Variants in CFHR5 observed in about 807,000 individuals in gnomAD.
CFHR5 encodes complement factor H related 5.
Under a neutral mutation model 62.9 loss-of-function variants are expected in CFHR5, and 73 were observed. The observed-to-expected ratio is 1.16, with a 90% CI of 0.96 to 1.41. The LOEUF (loss-of-function observed/expected upper bound fraction) is 1.41. CFHR5 is among the 40% of genes most tolerant of loss of function. The probability of loss-of-function intolerance (pLI) is 0.00; values close to 1 mark genes in which losing one functional copy is unlikely to be tolerated. For synonymous variants in CFHR5, 249 were observed against 227.2 expected (o/e 1.10, Z -0.86); for missense variants, 779 against 679.9 (o/e 1.15, Z -1.62).
At chr1:196,989,168 T>G (rs10922151) in intron 3 of CFHR5, among the ~76,000 whole-genome samples, 26,606 of 152,166 alleles carry the variant, frequency 0.17, 3,858 homozygotes, top group East Asian at 0.69. Flanking sequence ...GAGGTGTTTA[T>G]AGTATTCTCT....
chr1:197,000,208 G>A (rs1273231243), intron 7 of CFHR5, among the ~76,000 whole-genome samples: 8 of 152,052 alleles, frequency 5.3e-5, no homozygotes, highest in Admixed American at 4.6e-4. Context: ...GTTTTGAGAA[G>A]AGCTGGTAGC....
chr1:196,995,729 C>G lies in CFHR5; in HGVS notation c.620C>G (p.Ser207Ter). ...TTCTTTATAATAGGACAAGTACGAT[C>G]ATGTGGTCCACCTCCTCAACTCTCC... ...NFPTCKGQVR[S>*]CGPPPQLSNG... is the part of the protein sequence containing the mutation. Residue 207 changes from serine to a stop codon, truncating the protein, a stop_gained, in exon 5 of 10, where the codon TCA (serine) becomes TGA (stop). Coordinates refer to ENST00000256785, the MANE Select transcript of CFHR5 (RefSeq NM_030787.4). LOFTEE classifies it high-confidence loss of function. 1 of 1,612,690 alleles carries G rather than the reference C, an allele frequency of 6.2e-7. No homozygotes were observed. The highest frequency in any genetic ancestry group is 8.5e-7 in the Non-Finnish European group (1 of 1,178,840).
intron 1 of CFHR5, among the ~76,000 whole-genome samples, chr1:196,980,591 CGTGTGTGTGTGTGTGTGTGT>C (rs57437038): frequency 4.1e-5 from 6 of 145,440 alleles, no homozygotes; most frequent in Admixed American, 1.4e-4. Flanking sequence ...TGTATATATA[CGTGTGTGTGTGTGTGTGTGT>C]GTGTGTGTGT....
upstream of CFHR5, chr1:196,977,493 C>A: frequency 1.4e-6 from 1 of 692,702 alleles, no homozygotes; most frequent in Non-Finnish European, 2.7e-6. Flanking sequence ...TTGCTTATTT[C>A]ACACAACCCT....
chr1:196,989,890 T>G (rs1047508527), intron 3 of CFHR5, among the ~76,000 whole-genome samples: 2 of 152,188 alleles, frequency 1.3e-5, no homozygotes, highest in Non-Finnish European at 2.9e-5. Context: ...TTAGGTCCGC[T>G]TGGTGCAGAG....
intron 7 of CFHR5, among the ~76,000 whole-genome samples, chr1:197,001,887 G>A (rs574108500): frequency 1.3e-4 from 20 of 151,976 alleles, no homozygotes; most frequent in South Asian, 2.1e-4. Context: ...TTTAGAAAAC[G>A]CTTTGGCATC....
chr1:197,007,465 C>A (rs1407066741), intron 9 of CFHR5, among the ~76,000 whole-genome samples: 1 of 151,694 alleles, frequency 6.6e-6, no homozygotes, highest in Non-Finnish European at 1.5e-5. Context: ...CATAAAATTT[C>A]AGTGAAGTGT....
intron 8 of CFHR5, among the ~76,000 whole-genome samples, chr1:197,003,556 C>T (rs551300885): frequency 6.6e-6 from 1 of 152,252 alleles, no homozygotes; most frequent in South Asian, 2.1e-4. Context: ...GACAAAACAT[C>T]AGATATGGCA....
chr1:196,976,373 T>C (rs1029521595), upstream of CFHR5, among the ~76,000 whole-genome samples: 4 of 152,162 alleles, frequency 2.6e-5, no homozygotes, highest in African/African-American at 9.7e-5. Context: ...TTTCCCACTG[T>C]AATCTCTTTG....
intron 1 of CFHR5, among the ~76,000 whole-genome samples, chr1:196,979,663 G>A (rs1199128919): frequency 2.0e-5 from 3 of 151,996 alleles, no homozygotes; most frequent in South Asian, 2.1e-4. Flanking sequence ...TGAAGGCTTA[G>A]CACATTACCA....
chr1:197,002,454 C>T, intron 7 of CFHR5, 28 bp from the exon 8 acceptor site: 2 of 1,569,282 alleles, frequency 1.3e-6, no homozygotes, highest in Non-Finnish European at 8.7e-7. Flanking sequence ...TTTTATTAAT[C>T]ATATAATTTA....
chr1:196,998,076 G>T, intron 6 of CFHR5, 52 bp from the exon 7 acceptor site: 1 of 1,134,322 alleles, frequency 8.8e-7, no homozygotes, highest in Non-Finnish European at 1.3e-6. Flanking sequence ...TAATATTGCA[G>T]ATATTTTATT....
At chr1:196,992,279 G>T (rs1030583803) in intron 3 of CFHR5, among the ~76,000 whole-genome samples, 1 of 152,142 alleles carries the variant, frequency 6.6e-6, no homozygotes, top group Non-Finnish European at 1.5e-5. Flanking sequence ...ATTTGTGTGT[G>T]AGTGTCCCGA....
At chr1:197,007,705 G>C (rs1654326142) in intron 9 of CFHR5, among the ~76,000 whole-genome samples, 1 of 145,696 alleles carries the variant, frequency 6.9e-6, no homozygotes, top group Non-Finnish European at 1.5e-5. Context: ...TATAATATAT[G>C]TATACTTATA....
chr1:196,998,866 A>T (rs936047082), intron 7 of CFHR5, among the ~76,000 whole-genome samples: 1 of 152,014 alleles, frequency 6.6e-6, no homozygotes, highest in African/African-American at 2.4e-5. Flanking sequence ...AACTAGAGAA[A>T]ACAAAGTGCT....
intron 1 of CFHR5, among the ~76,000 whole-genome samples, chr1:196,982,137 G>T (rs918618819): frequency 6.6e-6 from 1 of 151,774 alleles, no homozygotes; most frequent in Non-Finnish European, 1.5e-5. Flanking sequence ...AAAAAAAATA[G>T]GACAGATTTT....
In CFHR5 at chr1:196,998,942, C is replaced by T. The variant is rs551339068; in HGVS notation, c.1147+638C>T. Among the ~76,000 whole-genome samples, 6 of 151,828 alleles carry T rather than the reference C, an allele frequency of 4.0e-5. No individual in the cohort carries two copies. The South Asian group carries it at 1.0e-3, about 26-fold the overall frequency. On this transcript the variant is annotated intron_variant, in intron 7 of 9. Coordinates refer to ENST00000256785, the MANE Select transcript of CFHR5 (RefSeq NM_030787.4). ...ACTTCTCATCAGCAACGTCAAAAGC[C>T]GAAGAAAATAAGGTAATCTCTTCAA...
intron 7 of CFHR5, among the ~76,000 whole-genome samples, chr1:197,000,445 G>A (rs377659048): frequency 6.6e-6 from 1 of 152,064 alleles, no homozygotes; most frequent in Non-Finnish European, 1.5e-5. Flanking sequence ...CTAAACAGAT[G>A]TCCAATTCTA....
chr1:197,005,010 G>T (rs1304816898), intron 9 of CFHR5, among the ~76,000 whole-genome samples, 167 bp downstream of exon 9: 2 of 152,084 alleles, frequency 1.3e-5, no homozygotes, highest in Non-Finnish European at 2.9e-5. Context: ...TTTATGCAAA[G>T]TGAGAAAAAT....
Sources: gnomAD v4.1 joint callset for allele counts (sites outside exome capture counted in the v4.1 genomes callset) on GRCh38, gnomAD v4.1.1 for gene constraint, MANE v1.5 for transcripts, NCBI Gene and HGNC (gene_info 2026-07-23, HGNC 2026-07-21) for gene names.